ENTREP2: variants seen among roughly 807,000 people sequenced by gnomAD.
The protein encoded by ENTREP2 is endosomal transmembrane epsin interactor 2.
At chr15:29,649,458 C>T in the ENTREP2 span, among the ~76,000 whole-genome samples, 1 of 152,132 alleles carries the variant, frequency 6.6e-6, no homozygotes, top group East Asian at 1.9e-4. Context: ...CGATGGCTCA[C>T]ACCCATAATC....
the ENTREP2 span, among the ~76,000 whole-genome samples, chr15:29,160,187 G>C: frequency 6.6e-6 from 1 of 152,222 alleles, no homozygotes; most frequent in African/African-American, 2.4e-5. Context: ...GGGCCGCGGA[G>C]CCCACGCCCA....
the ENTREP2 span, among the ~76,000 whole-genome samples, chr15:29,395,713 T>C: frequency 6.7e-6 from 1 of 149,152 alleles, no homozygotes; most frequent in Admixed American, 6.7e-5. Flanking sequence ...TTTTTTTTTC[T>C]CAAGAGATGG....
chr15:29,540,010 G>C, the ENTREP2 span, among the ~76,000 whole-genome samples: 13,699 of 152,134 alleles, frequency 0.09, 2,031 homozygotes, highest in African/African-American at 0.31. Flanking sequence ...GCCCAGGCAG[G>C]CCAGTGGCTC....
chr15:29,330,566 C>T, the ENTREP2 span, among the ~76,000 whole-genome samples: 3 of 152,156 alleles, frequency 2.0e-5, no homozygotes, highest in African/African-American at 4.8e-5. Flanking sequence ...GTAACACTGA[C>T]CAGTACTGCT....
chr15:29,652,603 C>T, the ENTREP2 span, among the ~76,000 whole-genome samples: 13 of 152,326 alleles, frequency 8.5e-5, no homozygotes, highest in Non-Finnish European at 1.2e-4. Context: ...TGAGGCCCTG[C>T]GGTTCTTGGA....
chr15:29,626,847 G>A, the ENTREP2 span, among the ~76,000 whole-genome samples: 2 of 151,490 alleles, frequency 1.3e-5, no homozygotes, highest in South Asian at 4.2e-4. Flanking sequence ...GTTTGCTGAG[G>A]GTTTTTATCA....
chr15:29,554,992 C>T, the ENTREP2 span, among the ~76,000 whole-genome samples: 7,557 of 152,216 alleles, frequency 0.05, 593 homozygotes, highest in African/African-American at 0.17. Context: ...TATAGTCATT[C>T]AATAGAGCAC....
At chr15:29,369,908 G>A in the ENTREP2 span, among the ~76,000 whole-genome samples, 1 of 152,164 alleles carries the variant, frequency 6.6e-6, no homozygotes, top group East Asian at 1.9e-4. Flanking sequence ...TGCCTCTCAC[G>A]TTTTTCCCTT....
At chr15:29,131,612 GCCCGACAAGC>G in the ENTREP2 span, among the ~76,000 whole-genome samples, 2 of 21,708 alleles carry the variant, frequency 9.2e-5, no homozygotes, top group Non-Finnish European at 2.0e-4. Flanking sequence ...ACACACCCCA[GCCCGACAAGC>G]CCCCCCATAT....
the ENTREP2 span, among the ~76,000 whole-genome samples, chr15:29,428,621 C>T: frequency 9.9e-5 from 15 of 151,716 alleles, no homozygotes; most frequent in Non-Finnish European, 1.8e-4. Context: ...GGAAACAGAA[C>T]TTAAAAGGCC....
chr15:29,270,715 G>A, the ENTREP2 span, among the ~76,000 whole-genome samples: 17 of 152,186 alleles, frequency 1.1e-4, no homozygotes, highest in Admixed American at 1.1e-3. Flanking sequence ...AGTCTCTACT[G>A]TATATTTTAA....
the ENTREP2 span, among the ~76,000 whole-genome samples, chr15:29,353,786 A>G: frequency 6.6e-6 from 1 of 152,282 alleles, no homozygotes; most frequent in East Asian, 1.9e-4. Flanking sequence ...TACTCACCCA[A>G]TGGAGGAGCT....
chr15:29,159,041 G>C, the ENTREP2 span, among the ~76,000 whole-genome samples: 5 of 152,194 alleles, frequency 3.3e-5, no homozygotes, highest in African/African-American at 1.2e-4. Flanking sequence ...GACATTGAGC[G>C]GGTCGTGGTA....
At chr15:29,214,994 G>A in the ENTREP2 span, among the ~76,000 whole-genome samples, 3 of 152,182 alleles carry the variant, frequency 2.0e-5, no homozygotes, top group Non-Finnish European at 4.4e-5. Context: ...TTTCTTTGCT[G>A]ACTTTTTGTC....
chr15:29,160,694 G>T, the ENTREP2 span, among the ~76,000 whole-genome samples: 1 of 123,466 alleles, frequency 8.1e-6, no homozygotes, highest in Admixed American at 8.9e-5. Context: ...GGGTGACAGA[G>T]TGAGACTCTG....
At chr15:29,389,951 C>T in the ENTREP2 span, among the ~76,000 whole-genome samples, 18 of 152,154 alleles carry the variant, frequency 1.2e-4, no homozygotes, top group East Asian at 5.8e-4. Flanking sequence ...GGTCCAAATA[C>T]GAAGGCCAAA....
At chr15:29,238,987 C>T in the ENTREP2 span, among the ~76,000 whole-genome samples, 1 of 152,090 alleles carries the variant, frequency 6.6e-6, no homozygotes, top group African/African-American at 2.4e-5. Context: ...ATATCCAAAC[C>T]ACATCAATGA....
the ENTREP2 span, among the ~76,000 whole-genome samples, chr15:29,283,025 G>T: frequency 2.0e-5 from 3 of 152,160 alleles, no homozygotes; most frequent in Non-Finnish European, 2.9e-5. Flanking sequence ...AGGGAGCTGG[G>T]ACCAAAGACC....
chr15:29,567,796 G>A, the ENTREP2 span, among the ~76,000 whole-genome samples: 1 of 152,208 alleles, frequency 6.6e-6, no homozygotes, highest in Non-Finnish European at 1.5e-5. Flanking sequence ...AAATCCAGGA[G>A]AGTTGTTTCT....
Sources: allele counts gnomAD v4.1 joint callset (sites outside exome capture counted in the v4.1 genomes callset), GRCh38; gene constraint gnomAD v4.1.1; transcripts MANE v1.5; gene names NCBI Gene and HGNC (gene_info 2026-07-23, HGNC 2026-07-21).